The following DNAH8 variants were observed in gnomAD, a reference collection of about 807,000 sequenced individuals.
The protein encoded by DNAH8 is dynein axonemal heavy chain 8, also known as axonemal beta dynein heavy chain 8.
A neutral mutation model predicts 562.1 loss-of-function variants in DNAH8; 382 were observed. The ratio of observed to expected loss-of-function variants is 0.68; its 90% CI spans 0.63 to 0.74. The LOEUF is 0.74. Among genes scored for constraint, DNAH8 ranks in the 30% least tolerant of loss-of-function variants. DNAH8 has a pLI of 0.00. For synonymous variants in DNAH8, 1,881 were observed against 1,919.4 expected (o/e 0.98, Z 0.52); for missense variants, 5,203 against 5,620.4 (o/e 0.93, Z 2.37).
chr6:39,022,142 G>A (rs375127450), intron 91 of DNAH8, among the ~76,000 whole-genome samples: 5 of 152,306 alleles, frequency 3.3e-5, no homozygotes, highest in African/African-American at 1.2e-4. Context: ...GGAGGCTGGA[G>A]GGGAGATGAA....
intron 9 of DNAH8, among the ~76,000 whole-genome samples, chr6:38,755,752 G>C (rs1227185120): frequency 6.6e-6 from 1 of 152,120 alleles, no homozygotes; most frequent in Non-Finnish European, 1.5e-5. Context: ...AGTTTCTCCT[G>C]TTAACATCCT....
chr6:38,813,118 T>C (rs995228095), intron 24 of DNAH8, among the ~76,000 whole-genome samples: 1 of 152,236 alleles, frequency 6.6e-6, no homozygotes, highest in African/African-American at 2.4e-5. Flanking sequence ...TACCAAATGA[T>C]CTAGTGCACT....
At position 38,734,510 on chromosome 6, in the gene DNAH8, C is replaced by T. The variant is rs1396266518; in HGVS notation, c.647C>T (p.Ala216Val). The T allele has an allele frequency of 3.7e-6, 6 of 1,613,634 alleles. No individual in the cohort carries two copies. Among genetic ancestry groups the T allele is most frequent in the Non-Finnish European group, 5.1e-6 (6 of 1,179,912 alleles). ...ACTATTGCTGGAGCAACTAAAGGGG[C>T]AAAAATGATGAAATTGTATATAGAC... ...GRTIAGATKG[A>V]KMMKLYIDNA... Residue 216 changes from alanine to valine, a missense_variant, in exon 5 of 93, where the codon GCA becomes GTA. Physicochemically the swap from Ala to Val is moderately conservative, Grantham distance 64. Around this residue, in one of 6 missense-constraint regions of DNAH8, gnomAD observed 556 missense variants for 496.9 expected, o/e 1.12. Coordinates refer to ENST00000327475, the MANE Select transcript of DNAH8 (RefSeq NM_001206927.2).
intron 41 of DNAH8, among the ~76,000 whole-genome samples, chr6:38,855,373 A>G (rs1776117402): frequency 6.6e-6 from 1 of 152,226 alleles, no homozygotes; most frequent in African/African-American, 2.4e-5. Context: ...ACTTAAATAA[A>G]ATAAAAATAA....
intron 24 of DNAH8, among the ~76,000 whole-genome samples, chr6:38,810,868 CT>C (rs1161788591): frequency 5.3e-5 from 8 of 152,042 alleles, no homozygotes; most frequent in African/African-American, 1.9e-4. Flanking sequence ...CTCTTTTATC[CT>C]TTTTTGTAAG....
chr6:38,873,968 T>C (rs188187267), intron 52 of DNAH8, among the ~76,000 whole-genome samples: 75 of 152,184 alleles, frequency 4.9e-4, no homozygotes, highest in Admixed American at 2.8e-3. Flanking sequence ...AAAAATTATC[T>C]GACAAGTAGT....
Position 38,834,603 on chromosome 6 carries a change from C to A in DNAH8, c.4327C>A (p.Pro1443Thr), listed in dbSNP as rs536307444. 6 of 1,603,688 alleles carry A rather than the reference C, an allele frequency of 3.7e-6. No homozygotes were observed. In the Admixed American group the frequency reaches 8.5e-5, roughly 23 times the overall value. The change falls in exon 32 of 93, where the codon CCA (proline) becomes ACA (threonine). Residue 1443 changes from proline (P) to threonine (T), a missense_variant. By Grantham distance (38) the Pro-to-Thr change is conservative. Coordinates refer to ENST00000327475, the MANE Select transcript of DNAH8 (RefSeq NM_001206927.2). ...ELEGPMVPNI[P>T]PQEASNRLQI... ...GGAAGGACCTATGGTTCCAAATATA[C>A]CACCCCAAGAAGCTAGCAACAGGCT...
At chr6:38,715,954 A>ATTTTTTTTT (rs1410399802) in intron 1 of DNAH8, among the ~76,000 whole-genome samples, 12 of 37,522 alleles carry the variant, frequency 3.2e-4, no homozygotes, top group African/African-American at 1.0e-3. Flanking sequence ...ATATATATAT[A>ATTTTTTTTT]TATATATTTT....
chr6:38,761,774 G>GA lies in DNAH8; in HGVS notation c.1591dup (p.Thr531AsnfsTer24). On this transcript the variant is annotated frameshift_variant, in exon 11 of 93. Coordinates refer to ENST00000327475, the MANE Select transcript of DNAH8 (RefSeq NM_001206927.2). LOFTEE classifies it high-confidence loss of function. ...AGGATTAAACCATGTATGGGATCAG[G>GA]AAACGCCAGTTGTACTAAAGAAAAT... 1 of 1,566,434 alleles carries GA rather than the reference G, an allele frequency of 6.4e-7. No homozygotes were observed. Among genetic ancestry groups the GA allele is most frequent in the Non-Finnish European group, 8.6e-7 (1 of 1,160,274 alleles).
Position 39,030,353 on chromosome 6 carries a change from G to A in DNAH8, c.14085G>A (p.Trp4695Ter). Residue 4695 changes from tryptophan to a stop codon, truncating the protein, a stop_gained, in exon 93 of 93, where the codon TGG becomes TGA. Coordinates refer to ENST00000327475, the MANE Select transcript of DNAH8 (RefSeq NM_001206927.2). LOFTEE classifies it high-confidence loss of function. ...YLRTVLSPDH[W>*]ILRGVALLCD... Reference sequence around the variant, plus strand: ...GAACAGTGTTGTCCCCGGATCACTGGATCCTGAGAGGAGTGGCCCTTTTGT... The same window carrying A: ...GAACAGTGTTGTCCCCGGATCACTGAATCCTGAGAGGAGTGGCCCTTTTGT... The A allele has an allele frequency of 1.9e-6, 3 of 1,614,182 alleles. No individual in the cohort carries two copies. The highest frequency in any genetic ancestry group is 2.5e-6 in the Non-Finnish European group (3 of 1,180,034).
At chr6:38,805,185 TAGAC>T (rs1424504381) in intron 22 of DNAH8, among the ~76,000 whole-genome samples, 9 of 152,310 alleles carry the variant, frequency 5.9e-5, no homozygotes, top group African/African-American at 2.2e-4. Flanking sequence ...ACTCAAAAGA[TAGAC>T]AGATAATTTA....
chr6:38,802,446 A>C (rs976988066), intron 21 of DNAH8, among the ~76,000 whole-genome samples: 1 of 152,248 alleles, frequency 6.6e-6, no homozygotes, highest in Admixed American at 6.5e-5. Flanking sequence ...TTTTGTGGGC[A>C]TGTCAAAAGA....
chr6:38,743,320 A>G (rs1395579894), intron 8 of DNAH8, among the ~76,000 whole-genome samples: 1 of 152,140 alleles, frequency 6.6e-6, no homozygotes, highest in African/African-American at 2.4e-5. Flanking sequence ...TTAATGTAGC[A>G]TATTAGGTTT....
rs549925238 is a variant in DNAH8, at chr6:38,855,359, C to G, written c.5733+2012C>G. Among the ~76,000 whole-genome samples the G allele has an allele frequency of 1.2e-3, 182 of 151,968 alleles. 2 individuals carry two copies. The highest frequency in any genetic ancestry group is 4.0e-3 in the African/African-American group (167 of 41,434). On this transcript the variant is annotated intron_variant, in intron 41 of 92. Transcript: ENST00000327475. ...ACCTGCACGTTCTGCACGTGTATTC[C>G]GAAACTTAAATAAAATAAAAATAAA...
chr6:38,819,667 A>G (rs900153286), intron 26 of DNAH8, among the ~76,000 whole-genome samples: 1 of 152,164 alleles, frequency 6.6e-6, no homozygotes, highest in African/African-American at 2.4e-5. Context: ...AAGACAAGAA[A>G]AAATGAGAAG....
At chr6:38,890,907 C>T (rs1308954067) in intron 58 of DNAH8, 146 bp downstream of exon 58, 1 of 606,174 alleles carries the variant, frequency 1.6e-6, no homozygotes, top group African/African-American at 1.9e-5. Context: ...AGATTTACAA[C>T]ACCTTTTCCT....
chr6:38,951,686 T>C (rs980941174), intron 82 of DNAH8, among the ~76,000 whole-genome samples, 166 bp downstream of exon 82: 1 of 152,188 alleles, frequency 6.6e-6, no homozygotes. Context: ...AAAGTGAGGG[T>C]ATGATATAGG....
At chr6:38,972,612 T>C (rs533591196) in intron 83 of DNAH8, among the ~76,000 whole-genome samples, 27 of 152,330 alleles carry the variant, frequency 1.8e-4, no homozygotes, top group African/African-American at 5.8e-4. Flanking sequence ...AAATACGGTG[T>C]TCATGTTAAC....
intron 52 of DNAH8, 87 bp downstream of exon 52, chr6:38,873,463 TCAGA>T: frequency 1.7e-6 from 2 of 1,207,510 alleles, no homozygotes; most frequent in Non-Finnish European, 2.3e-6. Context: ...AATAGAAAGT[TCAGA>T]CAGTCCATAA....
Sources: allele counts gnomAD v4.1 joint callset (sites outside exome capture counted in the v4.1 genomes callset), GRCh38; gene constraint gnomAD v4.1.1; regional missense constraint gnomAD v4.1.1; transcripts MANE v1.5; gene names NCBI Gene and HGNC (gene_info 2026-07-23, HGNC 2026-07-21).